Variants in TLE1 observed in about 807,000 individuals in gnomAD.
The protein encoded by TLE1 is transducin-like enhancer protein 1.
A neutral mutation model predicts 89.8 loss-of-function variants in TLE1; 21 were observed. The observed-to-expected ratio is 0.23, with a 90% confidence interval of 0.17 to 0.34. The LOEUF (loss-of-function observed/expected upper bound fraction) is 0.34, where lower values mean the gene tolerates loss of function less well. Ranked by LOEUF, TLE1 falls within the 10% of genes least tolerant of loss-of-function variation. The probability of loss-of-function intolerance (pLI) is 1.00; values close to 1 mark genes in which losing one functional copy is unlikely to be tolerated. For missense variants in TLE1, 795 were observed against 1,031.2 expected (o/e 0.77, Z 3.14); for synonymous variants, 447 against 407.6 (o/e 1.10, Z -1.16).
At chr9:81,666,004 T>A (rs1393464282) in intron 4 of TLE1, among the ~76,000 whole-genome samples, 1 of 152,138 alleles carries the variant, frequency 6.6e-6, no homozygotes, top group Admixed American at 6.5e-5. Flanking sequence ...AGCAGAGCAT[T>A]TGGGCTTTAA....
intron 4 of TLE1, among the ~76,000 whole-genome samples, chr9:81,658,154 C>T (rs1002032099): frequency 1.3e-5 from 2 of 151,972 alleles, no homozygotes. Context: ...TCAAGTGATC[C>T]ACCTGCCTCA....
At chr9:81,685,233 G>A (rs1420735413) in intron 4 of TLE1, among the ~76,000 whole-genome samples, 2 of 152,120 alleles carry the variant, frequency 1.3e-5, no homozygotes, top group South Asian at 2.1e-4. Flanking sequence ...TCCACAGATA[G>A]TCATATACCT....
chr9:81,606,256 C>T (rs1183801992), intron 14 of TLE1, among the ~76,000 whole-genome samples: 1 of 152,186 alleles, frequency 6.6e-6, no homozygotes, highest in East Asian at 1.9e-4. Flanking sequence ...TTTGACCCAG[C>T]CATCCCATTA....
At chr9:81,645,633 G>A (rs1248799184) in intron 6 of TLE1, among the ~76,000 whole-genome samples, 2 of 151,816 alleles carry the variant, frequency 1.3e-5, no homozygotes, top group South Asian at 2.1e-4. Flanking sequence ...CAAGCTCCTT[G>A]GGAGGCTGAG....
intron 8 of TLE1, among the ~76,000 whole-genome samples, chr9:81,630,737 A>G (rs1289356675): frequency 6.6e-6 from 1 of 152,236 alleles, no homozygotes. Flanking sequence ...AGACTTTCTA[A>G]TTCAAACCAC....
intron 17 of TLE1, among the ~76,000 whole-genome samples, chr9:81,587,393 T>C (rs1828658665): frequency 6.6e-6 from 1 of 152,240 alleles, no homozygotes; most frequent in African/African-American, 2.4e-5. Flanking sequence ...AGGAAAACTA[T>C]ACATTCTTCA....
At chr9:81,615,712 C>CAAAAAA (rs371090700) in intron 11 of TLE1, among the ~76,000 whole-genome samples, 2 of 97,958 alleles carry the variant, frequency 2.0e-5, no homozygotes, top group African/African-American at 4.3e-5. Context: ...GACTCCGTCT[C>CAAAAAA]AAAAAAAAAA....
intron 9 of TLE1, 40 bp from the exon 10 acceptor site, chr9:81,616,739 A>C (rs1340193264): frequency 4.3e-6 from 7 of 1,611,442 alleles, no homozygotes; most frequent in Non-Finnish European, 5.9e-6. Flanking sequence ...CTAAAAGCTA[A>C]GAATAGGTTT....
chr9:81,636,828 C>A (rs200684286), intron 6 of TLE1, among the ~76,000 whole-genome samples: 3 of 35,144 alleles, frequency 8.5e-5, no homozygotes, highest in Admixed American at 3.8e-4. Context: ...GATGGTGAAA[C>A]CCCGTCTCTA....
chr9:81,649,993 A>G (rs1186011258), intron 6 of TLE1, among the ~76,000 whole-genome samples: 2 of 152,174 alleles, frequency 1.3e-5, no homozygotes, highest in Admixed American at 6.5e-5. Flanking sequence ...AAAAATTACA[A>G]TGATAAAAAC....
At position 81,652,380 on chromosome 9, in the gene TLE1, C is replaced by A. The variant is rs1051269611; in HGVS notation, c.298-92G>T. On this transcript the variant is annotated intron_variant, in intron 5 of 19. Coordinates refer to ENST00000376499, the MANE Select transcript of TLE1 (RefSeq NM_005077.5). The stretch of plus-strand genomic sequence containing the variant: ...AAAAAGTCAAATGCTGTGTGCAATG[C>A]AGGCTGAAGTAGAAGGGTTTAAATG... 3.9e-6 allele frequency: 4 copies of A among 1,023,152 alleles called. No individual in the cohort carries two copies. In the African/African-American group the frequency reaches 4.7e-5, roughly 12 times the overall value. The allele number at this position is 1,023,152 out of a possible 1,614,324, so 63.4% of individuals were successfully genotyped here.
chr9:81,651,862 T>G (rs1829583622), intron 6 of TLE1, among the ~76,000 whole-genome samples: 1 of 152,082 alleles, frequency 6.6e-6, no homozygotes, highest in South Asian at 2.1e-4. Flanking sequence ...TGCCTGCCTT[T>G]GGACCCAGCT....
intron 14 of TLE1, among the ~76,000 whole-genome samples, chr9:81,597,401 G>A (rs1830368815): frequency 1.3e-5 from 2 of 152,184 alleles, no homozygotes; most frequent in African/African-American, 4.8e-5. Context: ...GAAAGCACAA[G>A]GGCAGTGATG....
intron 13 of TLE1, among the ~76,000 whole-genome samples, chr9:81,611,260 T>C (rs1349522917): frequency 6.6e-6 from 1 of 152,206 alleles, no homozygotes; most frequent in East Asian, 1.9e-4. Context: ...TCCAGAATTC[T>C]ACCTGTTTAC....
chr9:81,658,241 G>T (rs1830373100), intron 4 of TLE1, among the ~76,000 whole-genome samples: 1 of 152,030 alleles, frequency 6.6e-6, no homozygotes, highest in African/African-American at 2.4e-5. Flanking sequence ...TTAAAAAAAA[G>T]TATTTTCAAA....
chr9:81,608,447 G>A (rs965183121), intron 14 of TLE1, among the ~76,000 whole-genome samples: 1 of 152,128 alleles, frequency 6.6e-6, no homozygotes, highest in Non-Finnish European at 1.5e-5. Flanking sequence ...CTAGGAGGTC[G>A]AGGCTGCAGT....
Position 81,619,216 on chromosome 9 carries a change from T to C in TLE1, c.711+1225A>G, listed in dbSNP as rs1308472807. ...TGGGCAACAGGCAAGGGGAGAATGA[T>C]ATGTGCTAAAAAGTGTTGGGCTAGG... On this transcript the variant is annotated intron_variant, in intron 9 of 19. Transcript: ENST00000376499. Among the ~76,000 whole-genome samples, 3 of 152,296 alleles carry C rather than the reference T, an allele frequency of 2.0e-5. No individual in the cohort carries two copies. In the South Asian group the frequency reaches 6.2e-4, roughly 32 times the overall value.
At chr9:81,595,365 T>C (rs1180697500) in intron 14 of TLE1, among the ~76,000 whole-genome samples, 1 of 152,212 alleles carries the variant, frequency 6.6e-6, no homozygotes. Context: ...TTTAAGTCTA[T>C]TCATGTCCTA....
chr9:81,666,980 T>C (rs1831549667), intron 4 of TLE1, among the ~76,000 whole-genome samples: 1 of 151,280 alleles, frequency 6.6e-6, no homozygotes, highest in Admixed American at 6.6e-5. Flanking sequence ...ATTAGCCGGG[T>C]GTGGTGGTGT....
Sources: allele counts gnomAD v4.1 joint callset (sites outside exome capture counted in the v4.1 genomes callset), GRCh38; gene constraint gnomAD v4.1.1; transcripts MANE v1.5; gene names NCBI Gene and HGNC (gene_info 2026-07-23, HGNC 2026-07-21).